Variants in MICAL2 observed in about 807,000 individuals in gnomAD.
The protein encoded by MICAL2 is microtubule associated monooxygenase, calponin and LIM domain containing 2.
MICAL2 carries 77 observed loss-of-function variants against 127.3 expected under a neutral mutation model. That is an observed-to-expected ratio of 0.60 (90% confidence interval 0.50 to 0.73). MICAL2 has a LOEUF of 0.73. Ranked by LOEUF, MICAL2 falls within the 30% of genes least tolerant of loss-of-function variation. MICAL2 has a pLI of 0.00. For missense variants in MICAL2, 1,351 were observed against 1,434.4 expected (o/e 0.94, Z 0.94); for synonymous variants, 570 against 551.1 (o/e 1.03, Z -0.48).
Position 12,258,530 on chromosome 11 carries a change from C to G in MICAL2, c.3205C>G (p.Arg1069Gly). Residue 1069 changes from arginine to glycine, a missense_variant, in exon 25 of 28, where the codon CGG becomes GGG. Arg to Gly is a moderately radical substitution (Grantham distance 125, BLOSUM62 -2). Transcript: ENST00000683283. ...AACCAATAGCAAACAACGGAAGAGA[C>G]GGGCAGAGTTGAAGCAACAAAGAGA... ...CKTNSKQRKRRAELKQQREEE... is the reference protein window; with the variant it reads ...CKTNSKQRKRGAELKQQREEE... 6.2e-7 allele frequency: 1 copy of G among 1,614,026 alleles called. No individual in the cohort carries two copies. Among genetic ancestry groups the G allele is most frequent in the Non-Finnish European group, 8.5e-7 (1 of 1,179,986 alleles).
chr11:12,251,228 AGGAGCAGTGAGCTAAGCCACAGTGAG>A (rs1861489816), intron 22 of MICAL2, among the ~76,000 whole-genome samples: 3 of 7,802 alleles, frequency 3.8e-4, no homozygotes, highest in African/African-American at 2.0e-3. Flanking sequence ...AGATAGTTTG[AGGAGCAGTGAGCTAAGCCACAGTGAG>A]TTTGAGGAGC....
At chr11:12,222,154 C>A (rs1239574363) in intron 10 of MICAL2, among the ~76,000 whole-genome samples, 2 of 152,196 alleles carry the variant, frequency 1.3e-5, no homozygotes, top group African/African-American at 4.8e-5. Flanking sequence ...GCCTCTCACA[C>A]CACTGAGATC....
intron 34 of MICAL2, among the ~76,000 whole-genome samples, chr11:12,357,366 A>C (rs1416544409): frequency 2.0e-5 from 3 of 152,156 alleles, no homozygotes; most frequent in Non-Finnish European, 4.4e-5. Flanking sequence ...TTTTCTAACA[A>C]TCCTATCTCC....
At chr11:12,196,789 G>A (rs1377109394) in intron 3 of MICAL2, among the ~76,000 whole-genome samples, 1 of 152,148 alleles carries the variant, frequency 6.6e-6, no homozygotes, top group African/African-American at 2.4e-5. Flanking sequence ...TCCACGATCT[G>A]GCTCTTTCTT....
intron 29 of MICAL2, chr11:12,303,468 A>T (rs1864072656): frequency 6.6e-6 from 1 of 152,244 alleles, no homozygotes; most frequent in Non-Finnish European, 1.5e-5. Context: ...ACACAACTTT[A>T]TTTGATAGGG....
At chr11:12,207,176 C>T (rs1854805082) in intron 4 of MICAL2, among the ~76,000 whole-genome samples, 2 of 152,056 alleles carry the variant, frequency 1.3e-5, no homozygotes, top group Non-Finnish European at 2.9e-5. Context: ...GCTTCCAGGA[C>T]CCCCACTAAG....
intron 6 of MICAL2, among the ~76,000 whole-genome samples, chr11:12,211,106 G>T (rs903968395): frequency 6.6e-6 from 1 of 152,210 alleles, no homozygotes; most frequent in Non-Finnish European, 1.5e-5. Flanking sequence ...TTGGCCAGGC[G>T]TGGTGGCTCA....
At chr11:12,165,157 A>G (rs1184330183) in intron 3 of MICAL2, among the ~76,000 whole-genome samples, 1 of 88,482 alleles carries the variant, frequency 1.1e-5, no homozygotes, top group Admixed American at 1.6e-4. Flanking sequence ...AAAAAAAAAG[A>G]AAAGAAAGAA....
chr11:12,199,343 T>A (rs1860362545), intron 3 of MICAL2, among the ~76,000 whole-genome samples: 1 of 152,140 alleles, frequency 6.6e-6, no homozygotes, highest in Non-Finnish European at 1.5e-5. Flanking sequence ...CTGTCCTTTC[T>A]AGGTGAGGTG....
chr11:12,304,701 T>G (rs892785151), intron 29 of MICAL2, among the ~76,000 whole-genome samples: 3 of 148,178 alleles, frequency 2.0e-5, no homozygotes, highest in Non-Finnish European at 3.0e-5. Context: ...CACAAAACAT[T>G]CTTCTCCTCC....
At chr11:12,198,906 G>A (rs1860296277) in intron 3 of MICAL2, among the ~76,000 whole-genome samples, 4 of 152,180 alleles carry the variant, frequency 2.6e-5, no homozygotes, top group Admixed American at 6.5e-5. Flanking sequence ...CTCGTTCCTT[G>A]CAGAGCCCCT....
intron 7 of MICAL2, 88 bp downstream of exon 7, chr11:12,213,498 C>A: frequency 7.3e-7 from 1 of 1,361,174 alleles, no homozygotes; most frequent in Non-Finnish European, 1.0e-6. Flanking sequence ...GCTTTCTGGG[C>A]TCTTGGGCCT....
Position 12,221,540 on chromosome 11 carries a change from C to T in MICAL2, c.1207-104C>T, listed in dbSNP as rs534663626. ...CTGCCCTGTCACCTCTCTGTCCCTC[C>T]AGTGCCCTGCACAGTCCTGGCAATC... On this transcript the variant is annotated intron_variant, in intron 9 of 27. Coordinates refer to ENST00000683283, the MANE Select transcript of MICAL2 (RefSeq NM_001282663.2). The T allele has an allele frequency of 6.8e-6, 5 of 736,092 alleles. No individual in the cohort carries two copies. The Admixed American group carries it at 7.0e-5, about 10-fold the overall frequency. 45.6% of individuals were successfully genotyped at this position (736,092 alleles called of 1,614,324 possible). A position where few individuals can be genotyped will look rare whatever the true frequency, so the allele number is the denominator to read the frequency against.
At chr11:12,315,975 T>C (rs6485652) in intron 29 of MICAL2, among the ~76,000 whole-genome samples, 91,880 of 151,902 alleles carry the variant, frequency 0.6, 29,642 homozygotes, top group Non-Finnish European at 0.71. Context: ...TAATCAAGTG[T>C]GCACATATTT....
intron 2 of MICAL2, among the ~76,000 whole-genome samples, chr11:12,160,886 A>C (rs575677880): frequency 6.6e-6 from 1 of 152,372 alleles, no homozygotes; most frequent in East Asian, 1.9e-4. Context: ...GAGATTAAGG[A>C]GGAAGATAAA....
chr11:12,172,519 G>A (rs535481439), intron 3 of MICAL2, among the ~76,000 whole-genome samples: 1 of 152,272 alleles, frequency 6.6e-6, no homozygotes, highest in South Asian at 2.1e-4. Flanking sequence ...CAGTAAATGA[G>A]TTTTGCAAGA....
chr11:12,356,892 G>T (rs1218817853), intron 34 of MICAL2, among the ~76,000 whole-genome samples: 2 of 152,222 alleles, frequency 1.3e-5, no homozygotes, highest in African/African-American at 4.8e-5. Flanking sequence ...ACATAGGGAT[G>T]CCCTTTAAGC....
chr11:12,244,540 T>C (rs1172116811), intron 21 of MICAL2, among the ~76,000 whole-genome samples: 1 of 152,230 alleles, frequency 6.6e-6, no homozygotes, highest in Non-Finnish European at 1.5e-5. Flanking sequence ...CAATTTCACA[T>C]GATAAACTTA....
intron 30 of MICAL2, among the ~76,000 whole-genome samples, chr11:12,321,652 T>TGTGA (rs10678539): frequency 0.84 from 127,829 of 151,810 alleles, 53,979 homozygotes; most frequent in Non-Finnish European, 0.88. Context: ...TGTAAGGCTG[T>TGTGA]GTGTTTATTA....
Sources: allele counts gnomAD v4.1 joint callset (sites outside exome capture counted in the v4.1 genomes callset), GRCh38; gene constraint gnomAD v4.1.1; transcripts MANE v1.5; gene names NCBI Gene and HGNC (gene_info 2026-07-23, HGNC 2026-07-21).